Variants in PLCE1 observed in about 807,000 individuals in gnomAD.
PLCE1 encodes phospholipase C epsilon 1.
A neutral mutation model predicts 242.8 loss-of-function variants in PLCE1; 119 were observed. That is an observed-to-expected ratio of 0.49 (90% confidence interval 0.42 to 0.57). The LOEUF (loss-of-function observed/expected upper bound fraction) is 0.57. Among genes scored for constraint, PLCE1 ranks in the 20% least tolerant of loss-of-function variants. The pLI is 0.00. For missense variants in PLCE1, 2,441 were observed against 2,788.8 expected, an observed-to-expected ratio of 0.88 and a Z score of 2.81; for synonymous variants, 945 against 1,017.4, an observed-to-expected ratio of 0.93 and a Z score of 1.35.
chr10:94,120,889 T>G (rs932264456), intron 2 of PLCE1: 3 of 152,276 alleles, frequency 2.0e-5, no homozygotes, highest in African/African-American at 7.2e-5. Flanking sequence ...ATGGGGAACA[T>G]GCAAGTGGTG....
At chr10:94,119,068 C>A (rs2046226095) in intron 2 of PLCE1, among the ~76,000 whole-genome samples, 1 of 152,208 alleles carries the variant, frequency 6.6e-6, no homozygotes, top group Admixed American at 6.5e-5. Context: ...TCCTCGCCCA[C>A]CCTGTGGGAT....
chr10:94,189,699 A>G (rs183149779), intron 4 of PLCE1, among the ~76,000 whole-genome samples: 536 of 152,296 alleles, frequency 3.5e-3, no homozygotes, highest in Non-Finnish European at 6.3e-3. Flanking sequence ...CCTAGAAGAA[A>G]GAGTCCCAGT....
In PLCE1 at chr10:94,188,998, T is replaced by TAA. The variant is rs904632569; in HGVS notation, c.1809+17526_1809+17527dup. 3.4e-3 allele frequency among the ~76,000 whole-genome samples: 249 copies of TAA among 73,798 alleles called. 1 individual carries two copies. The highest frequency in any genetic ancestry group is 8.5e-3 in the African/African-American group (200 of 23,636). The allele number at this position is 73,798 out of a possible 152,430, so 48.4% of individuals were successfully genotyped here. ...TCTCAATATGCTCAGTAGGAGAAAG[T>TAA]AAAAAAAAAAAAAAAAAAAAAAAAA... is the stretch of plus-strand genomic sequence containing the variant. On this transcript the variant is annotated intron_variant, in intron 4 of 32. Transcript: ENST00000371380.
chr10:94,023,715 A>G (rs2061412740), intron 1 of PLCE1, among the ~76,000 whole-genome samples: 1 of 152,138 alleles, frequency 6.6e-6, no homozygotes, highest in Non-Finnish European at 1.5e-5. Context: ...CAGCCTTATC[A>G]ATGTGTTAGT....
At chr10:94,137,150 G>A (rs1428370844) in intron 3 of PLCE1, among the ~76,000 whole-genome samples, 7 of 152,132 alleles carry the variant, frequency 4.6e-5, no homozygotes, top group African/African-American at 1.7e-4. Flanking sequence ...CCAAGATCAC[G>A]CCACTGCACT....
At chr10:94,290,738 A>G (rs1420819715) in intron 22 of PLCE1, among the ~76,000 whole-genome samples, 1 of 152,110 alleles carries the variant, frequency 6.6e-6, no homozygotes, top group Non-Finnish European at 1.5e-5. Flanking sequence ...TACACATGTA[A>G]TGTAGAATGA....
intron 5 of PLCE1, among the ~76,000 whole-genome samples, chr10:94,232,173 T>C (rs890164515): frequency 1.3e-5 from 2 of 152,142 alleles, no homozygotes; most frequent in Admixed American, 6.5e-5. Flanking sequence ...CTCAACCACA[T>C]TGTTGATGTT....
chr10:94,177,675 A>G (rs899472473), intron 4 of PLCE1, among the ~76,000 whole-genome samples: 1 of 152,036 alleles, frequency 6.6e-6, no homozygotes, highest in Admixed American at 6.6e-5. Context: ...CCTATCCTTC[A>G]TCTTCCTGCA....
At chr10:94,130,319 G>T (rs1193606234) in intron 2 of PLCE1, among the ~76,000 whole-genome samples, 1 of 152,180 alleles carries the variant, frequency 6.6e-6, no homozygotes, top group East Asian at 1.9e-4. Flanking sequence ...ATAGATTGTG[G>T]TCTATAGTTA....
rs200830976 is a variant in PLCE1 at position 94,132,387 on chromosome 10, A to G, written c.1420A>G (p.Thr474Ala). 11 of 1,614,134 alleles carry G rather than the reference A, an allele frequency of 6.8e-6. No individual in the cohort carries two copies. Among genetic ancestry groups the G allele is most frequent in the Non-Finnish European group, 9.3e-6 (11 of 1,179,992 alleles). Residue 474 changes from threonine (T) to alanine (A), a missense_variant, in exon 3 of 33, where the codon ACC (threonine) becomes GCC (alanine). This residue lies in a region of PLCE1 where 733 missense variants were observed against 754.2 expected (regional missense o/e 0.97). Coordinates refer to ENST00000371380, the MANE Select transcript of PLCE1 (RefSeq NM_016341.4). Reference protein sequence around the residue: ...QYITGSLLEATTSLGARSGLL... With the variant: ...QYITGSLLEAATSLGARSGLL... Reference sequence around the variant, plus strand: ...CATCACCGGTTCTCTCCTAGAAGCAACCACGTCTTTGGGAGCAAGAAGTGG... The same window carrying G: ...CATCACCGGTTCTCTCCTAGAAGCAGCCACGTCTTTGGGAGCAAGAAGTGG...
At chr10:94,170,720 A>T (rs1163356118) in intron 3 of PLCE1, among the ~76,000 whole-genome samples, 1 of 152,218 alleles carries the variant, frequency 6.6e-6, no homozygotes, top group Non-Finnish European at 1.5e-5. Context: ...TTGGGTCCCC[A>T]GGTGTCCTGC....
In PLCE1 at chr10:94,195,977, A is replaced by G. The variant is rs1438925064; in HGVS notation, c.1809+24481A>G. On this transcript the variant is annotated intron_variant, in intron 4 of 32. Transcript: ENST00000371380. ...ATGCTTCTTAGAATTTAGACTCTAG[A>G]GTTTGAACTCTCAGAGTTTGAATCC... Among the ~76,000 whole-genome samples, 9 of 152,262 alleles carry G rather than the reference A, an allele frequency of 5.9e-5. No homozygotes were observed. The South Asian group carries it at 8.3e-4, about 14-fold the overall frequency.
chr10:94,036,246 G>T (rs1235929491), intron 2 of PLCE1, among the ~76,000 whole-genome samples: 1 of 152,142 alleles, frequency 6.6e-6, no homozygotes, highest in African/African-American at 2.4e-5. Flanking sequence ...GGCCACTGTG[G>T]ATATGCTTTG....
At chr10:94,006,459 C>G (rs2061039645) in intron 1 of PLCE1, among the ~76,000 whole-genome samples, 1 of 152,174 alleles carries the variant, frequency 6.6e-6, no homozygotes, top group Admixed American at 6.5e-5. Context: ...ACAAGTCTAC[C>G]ATTTAATAAC....
At chr10:94,182,259 A>G (rs2048337524) in intron 4 of PLCE1, among the ~76,000 whole-genome samples, 1 of 151,262 alleles carries the variant, frequency 6.6e-6, no homozygotes, top group Non-Finnish European at 1.5e-5. Context: ...CCCTGCCTTC[A>G]TTTCTTTTTT....
At chr10:94,050,210 T>C (rs1057105925) in intron 2 of PLCE1, among the ~76,000 whole-genome samples, 2 of 152,170 alleles carry the variant, frequency 1.3e-5, no homozygotes, top group African/African-American at 2.4e-5. Flanking sequence ...GGAGGTTTAA[T>C]TGACTCACAG....
chr10:94,151,235 C>T (rs191539674), intron 3 of PLCE1, among the ~76,000 whole-genome samples: 2 of 152,300 alleles, frequency 1.3e-5, no homozygotes, highest in East Asian at 1.9e-4. Flanking sequence ...ATCCTCTAGA[C>T]TTTGGCCTGT....
intron 4 of PLCE1, among the ~76,000 whole-genome samples, chr10:94,218,018 A>G (rs4113810): frequency 0.63 from 95,770 of 151,672 alleles, 30,496 homozygotes; most frequent in East Asian, 0.93. Flanking sequence ...TGGTGTCACT[A>G]TAAGTCTAAA....
intron 2 of PLCE1, among the ~76,000 whole-genome samples, chr10:94,080,717 T>G (rs75088389): frequency 0.011 from 1,713 of 152,330 alleles, 36 homozygotes; most frequent in African/African-American, 0.038. Flanking sequence ...AACAGAGTTA[T>G]CCAGGCACTT....
Sources: allele counts gnomAD v4.1 joint callset (sites outside exome capture counted in the v4.1 genomes callset), GRCh38; gene constraint gnomAD v4.1.1; regional missense constraint gnomAD v4.1.1; transcripts MANE v1.5; gene names NCBI Gene and HGNC (gene_info 2026-07-23, HGNC 2026-07-21).